Variants in LRRC37A2 observed in about 807,000 individuals in gnomAD.
The protein encoded by LRRC37A2 is leucine rich repeat containing 37 member A2.
Under a neutral mutation model 68.8 loss-of-function variants are expected in LRRC37A2, and 9 were observed. The observed-to-expected ratio is 0.13, with a 90% CI of 0.08 to 0.23. The LOEUF (loss-of-function observed/expected upper bound fraction) is 0.23, where lower values mean the gene tolerates loss of function less well. Among genes scored for constraint, LRRC37A2 ranks in the 10% least tolerant of loss-of-function variants. LRRC37A2 has a pLI of 1.00. For missense variants in LRRC37A2, 168 were observed against 950.4 expected (o/e 0.18, Z 10.82); for synonymous variants, 63 against 367.6 (o/e 0.17, Z 9.48).
At chr17:46,879,438 T>G in the LRRC37A2 span, among the ~76,000 whole-genome samples, 4 of 152,254 alleles carry the variant, frequency 2.6e-5, no homozygotes, top group African/African-American at 7.2e-5. Context: ...CCCCTTCTTC[T>G]GCTCTGGCAA....
the LRRC37A2 span, among the ~76,000 whole-genome samples, chr17:46,794,069 A>T: frequency 2.3e-4 from 35 of 152,152 alleles, no homozygotes; most frequent in African/African-American, 8.5e-4. Context: ...GTTCATAGGG[A>T]ACAGCAGGAG....
the LRRC37A2 span, chr17:46,932,048 C>G: frequency 6.2e-7 from 1 of 1,611,470 alleles, no homozygotes; most frequent in South Asian, 1.1e-5. Flanking sequence ...AATTTAATCT[C>G]TCTCTCCATC....
chr17:46,978,525 C>T, the LRRC37A2 span: 1,542 of 1,254,608 alleles, frequency 1.2e-3, no homozygotes, highest in Non-Finnish European at 1.4e-3. Flanking sequence ...CCCGCCCGGG[C>T]GCCCCAGGCA....
the LRRC37A2 span, among the ~76,000 whole-genome samples, chr17:46,807,125 A>T: frequency 1.0e-3 from 159 of 152,354 alleles, no homozygotes; most frequent in Non-Finnish European, 1.9e-3. Context: ...CATGGAGGAA[A>T]AAAAAGAGGC....
chr17:46,606,034 C>G, the LRRC37A2 span, among the ~76,000 whole-genome samples: 1 of 90,586 alleles, frequency 1.1e-5, no homozygotes, highest in African/African-American at 5.1e-5. Context: ...AAAAAATTAG[C>G]CGGGTGTGGT....
chr17:46,785,677 C>A, the LRRC37A2 span, among the ~76,000 whole-genome samples: 1 of 152,222 alleles, frequency 6.6e-6, no homozygotes, highest in Non-Finnish European at 1.5e-5. Flanking sequence ...ACCTGAGAGC[C>A]CGGGAGGACC....
the LRRC37A2 span, among the ~76,000 whole-genome samples, chr17:46,830,212 T>C: frequency 2.1e-3 from 325 of 152,244 alleles, 1 homozygote; most frequent in African/African-American, 7.6e-3. Flanking sequence ...CCCAGCCTTT[T>C]GCTATGCACA....
chr17:46,976,230 A>G, the LRRC37A2 span, among the ~76,000 whole-genome samples: 45 of 149,848 alleles, frequency 3.0e-4, no homozygotes, highest in African/African-American at 1.1e-3. Context: ...CTGGCGATAA[A>G]AGTTTTTAAA....
At chr17:46,935,194 G>A in the LRRC37A2 span, 16 of 1,613,260 alleles carry the variant, frequency 9.9e-6, no homozygotes, top group African/African-American at 1.3e-5. Context: ...GGGGGACAGA[G>A]AGAAGGCCTC....
At chr17:46,786,514 A>G in the LRRC37A2 span, among the ~76,000 whole-genome samples, 2 of 152,264 alleles carry the variant, frequency 1.3e-5, no homozygotes, top group African/African-American at 4.8e-5. Context: ...AGAGGCACCA[A>G]GCCCACAGGT....
the LRRC37A2 span, among the ~76,000 whole-genome samples, chr17:46,781,232 C>CA: frequency 1.2e-3 from 174 of 144,002 alleles, 1 homozygote; most frequent in African/African-American, 4.0e-3. Context: ...TCCCCCCAAC[C>CA]AAAAAAAAAA....
At chr17:46,974,987 CTTTTTTTT>C in the LRRC37A2 span, among the ~76,000 whole-genome samples, 14,920 of 119,144 alleles carry the variant, frequency 0.13, 593 homozygotes, top group East Asian at 0.19. Flanking sequence ...TTACTATTTT[CTTTTTTTT>C]TTTTTTTTTT....
chr17:46,743,412 C>T, the LRRC37A2 span, among the ~76,000 whole-genome samples: 2 of 152,166 alleles, frequency 1.3e-5, no homozygotes, highest in Non-Finnish European at 2.9e-5. Context: ...GAGACCCCGC[C>T]TCAGGAATCT....
the LRRC37A2 span, among the ~76,000 whole-genome samples, chr17:47,039,013 T>C: frequency 1.3e-5 from 2 of 149,416 alleles, no homozygotes; most frequent in Non-Finnish European, 3.0e-5. Context: ...TATTTCTTTG[T>C]GCAGATTCAC....
chr17:46,763,560 T>C, the LRRC37A2 span: 1 of 152,118 alleles, frequency 6.6e-6, no homozygotes, highest in Admixed American at 6.5e-5. Context: ...AGCAAAGGGA[T>C]GGTTTTCATC....
chr17:46,830,934 A>G, the LRRC37A2 span: 97,924 of 395,920 alleles, frequency 0.25, 13,548 homozygotes, highest in East Asian at 0.35. Context: ...AAAGAGAGAA[A>G]GTCACACATT....
At chr17:46,990,393 TG>T in the LRRC37A2 span, among the ~76,000 whole-genome samples, 1 of 152,364 alleles carries the variant, frequency 6.6e-6, no homozygotes, top group Non-Finnish European at 1.5e-5. Flanking sequence ...TAAAGATCTT[TG>T]CCAATGTCCT....
the LRRC37A2 span, among the ~76,000 whole-genome samples, chr17:46,946,126 A>C: frequency 7.2e-3 from 1,089 of 152,044 alleles, 3 homozygotes; most frequent in Middle Eastern, 0.017. Flanking sequence ...ACTCACTTGG[A>C]GGAAACCACA....
At chr17:46,940,252 T>G in the LRRC37A2 span, 1 of 1,423,616 alleles carries the variant, frequency 7.0e-7, no homozygotes, top group Non-Finnish European at 9.1e-7. Context: ...TTTCACACTT[T>G]CGGTTGGAGG....
Sources: gnomAD v4.1 joint callset for allele counts (sites outside exome capture counted in the v4.1 genomes callset) on GRCh38, gnomAD v4.1.1 for gene constraint, MANE v1.5 for transcripts, NCBI Gene and HGNC (gene_info 2026-07-23, HGNC 2026-07-21) for gene names.